TLCD3A: variants seen among roughly 807,000 people sequenced by gnomAD.
TLCD3A encodes TLC domain-containing protein 3A.
TLCD3A carries 17 observed loss-of-function variants against 29.9 expected under a neutral mutation model. That is an observed-to-expected ratio of 0.57 (90% CI 0.39 to 0.85). The LOEUF (loss-of-function observed/expected upper bound fraction) is 0.85, where lower values mean the gene tolerates loss of function less well. TLCD3A is among the 40% of genes least tolerant of loss of function. The pLI is 0.00. For synonymous variants in TLCD3A, 143 were observed against 147.7 expected, an observed-to-expected ratio of 0.97 and a Z score of 0.23; for missense variants, 332 against 350.8, an observed-to-expected ratio of 0.95 and a Z score of 0.43.
chr17:733,268 G>T, intron 2 of TLCD3A, 87 bp downstream of exon 2: 2 of 1,272,136 alleles, frequency 1.6e-6, no homozygotes, highest in Non-Finnish European at 2.1e-6. Context: ...CGCTCAGAAA[G>T]CTGACTAATG....
chr17:735,263 C>T (rs1399531951), intron 2 of TLCD3A, among the ~76,000 whole-genome samples: 6 of 151,182 alleles, frequency 4.0e-5, no homozygotes, highest in East Asian at 2.0e-4. Context: ...CCATCCGCCT[C>T]GGCCTCCCAA....
intron 3 of TLCD3A, 132 bp from the exon 4 acceptor site, chr17:740,373 A>C (rs1974229931): frequency 1.2e-5 from 9 of 721,432 alleles, no homozygotes; most frequent in East Asian, 7.9e-5. Context: ...GCAGCGGTAC[A>C]GTAGTCTGCG....
intron 1 of TLCD3A, 99 bp downstream of exon 1, chr17:732,868 G>T: frequency 1.5e-6 from 2 of 1,368,398 alleles, no homozygotes; most frequent in Non-Finnish European, 9.4e-7. Flanking sequence ...GCGGCAGGAA[G>T]CCCGGGGGCT....
In TLCD3A at chr17:737,925, T is replaced by A. The variant is rs1328213043; in HGVS notation, c.286T>A (p.Trp96Arg). The A allele has an allele frequency of 6.2e-7, 1 of 1,613,940 alleles. No individual in the cohort carries two copies. Among genetic ancestry groups the A allele is most frequent in the African/African-American group, 1.3e-5 (1 of 74,872 alleles). ...CTCGTACGCCATGTACCTCTGTGAA[T>A]GGTGCCGAACCAGAGACCAGAACCG... is the stretch of plus-strand genomic sequence containing the variant. ...YDSYAMYLCE[W>R]CRTRDQNRAP... The change falls in exon 3 of 5, where the codon TGG becomes AGG. Residue 96 changes from tryptophan (W) to arginine (R), a missense_variant. Trp to Arg is a moderately radical substitution (Grantham distance 101). Transcript: ENST00000308278.
rs1420604057 is a variant in TLCD3A, at chr17:733,149, C to T, written c.174C>T (p.Ile58=). Residue 58 remains isoleucine (I), a synonymous_variant, in exon 2 of 5, where the codon ATC becomes ATT. Coordinates refer to ENST00000308278, the MANE Select transcript of TLCD3A (RefSeq NM_024792.3). ...TGGCCACCGGCTCGGGGATCGTCAT[C>T]ATTCGCTCCTGCGACGACGTGATCA... is the stretch of plus-strand genomic sequence containing the variant. ...AVLATGSGIV[I]IRSCDDVITG... is the part of the protein sequence containing the mutation. 1 of 1,581,944 alleles carries T rather than the reference C, an allele frequency of 6.3e-7. No homozygotes were observed. Among genetic ancestry groups the T allele is most frequent in the South Asian group, 1.2e-5 (1 of 86,702 alleles).
intron 3 of TLCD3A, among the ~76,000 whole-genome samples, chr17:739,503 TTTTA>T (rs1169108755): frequency 6.7e-6 from 1 of 149,716 alleles, no homozygotes; most frequent in Non-Finnish European, 1.5e-5. Context: ...TGTAGTTTTA[TTTTA>T]TTTTTTAAAT....
intron 3 of TLCD3A, among the ~76,000 whole-genome samples, chr17:739,589 C>T (rs1244218456): frequency 1.3e-5 from 2 of 152,230 alleles, no homozygotes; most frequent in Non-Finnish European, 2.9e-5. Context: ...CCTCCCGTCT[C>T]AGCCTCCCAA....
At chr17:733,209 C>G in intron 2 of TLCD3A, 28 bp downstream of exon 2, 1 of 1,508,408 alleles carries the variant, frequency 6.6e-7, no homozygotes, top group Non-Finnish European at 8.9e-7. Flanking sequence ...GGCCTTGTTG[C>G]AAATGTCACA....
Position 732,807 on chromosome 17 carries a change from C to A in TLCD3A, c.122+38C>A, listed in dbSNP as rs1205261744. 7 of 1,421,774 alleles carry A rather than the reference C, an allele frequency of 4.9e-6. No homozygotes were observed. The South Asian group carries it at 8.5e-5, about 17-fold the overall frequency. The allele number at this position is 1,421,774 out of a possible 1,614,324, so 88.1% of individuals were successfully genotyped here. ...CCGAGACGCCCCCCGAGGCCCGGGG[C>A]GCTGCCCACCGCACCCCACCCGGCC... On this transcript the variant is annotated intron_variant, in intron 1 of 4. Coordinates refer to ENST00000308278, the MANE Select transcript of TLCD3A (RefSeq NM_024792.3).
In TLCD3A at chr17:742,794, C is replaced by T. The variant is rs1974279323; in HGVS notation, c.*1224C>T. The T allele has an allele frequency of 2.0e-5, 3 of 152,558 alleles. No individual in the cohort carries two copies. The allele number at this position is 152,558 out of a possible 1,614,324, so 9.5% of individuals were successfully genotyped here. A position where few individuals can be genotyped will look rare whatever the true frequency, so the allele number is the denominator to read the frequency against. Reference sequence around the variant, plus strand: ...TTTAAAAAGTGGATTTTTAAAGTGCCTTTCAATTGTCTGTGAACGTCTAAA... The same window carrying T: ...TTTAAAAAGTGGATTTTTAAAGTGCTTTTCAATTGTCTGTGAACGTCTAAA... On this transcript the variant is annotated 3_prime_UTR_variant, in exon 5 of 5. Transcript: ENST00000308278.
At chr17:738,147 GT>G (rs1485286582) in intron 3 of TLCD3A, 100 bp downstream of exon 3, 5 of 864,638 alleles carry the variant, frequency 5.8e-6, no homozygotes, top group Admixed American at 3.3e-5. Flanking sequence ...CCCAGCTGGA[GT>G]GCAGTGGTGT....
At chr17:735,458 TCA>T (rs1268517994) in intron 2 of TLCD3A, among the ~76,000 whole-genome samples, 1 of 152,226 alleles carries the variant, frequency 6.6e-6, no homozygotes, top group Non-Finnish European at 1.5e-5. Context: ...TAATAAATCT[TCA>T]GAGGATTCTA....
At chr17:732,830 G>A in intron 1 of TLCD3A, 61 bp downstream of exon 1, 1 of 1,384,560 alleles carries the variant, frequency 7.2e-7, no homozygotes, top group East Asian at 3.1e-5. Context: ...ACCCCACCCG[G>A]CCGCGGGGCC....
In TLCD3A at chr17:733,116, C is replaced by G. The variant is rs566117538; in HGVS notation, c.141C>G (p.His47Gln). 1 of 1,592,590 alleles carries G rather than the reference C, an allele frequency of 6.3e-7. No homozygotes were observed. Among genetic ancestry groups the G allele is most frequent in the Admixed American group, 1.7e-5 (1 of 58,006 alleles). ...MISTRLVSSV[H>Q]AVLATGSGIV... The stretch of plus-strand genomic sequence containing the variant: ...GCGCTAGGCTGGTTTCCTCGGTGCA[C>G]GCCGTGCTGGCCACCGGCTCGGGGA... Residue 47 changes from histidine (H) to glutamine (Q), a missense_variant, in exon 2 of 5, where the codon CAC becomes CAG. Physicochemically the swap from His to Gln is conservative, Grantham distance 24. Transcript: ENST00000308278.
intron 2 of TLCD3A, among the ~76,000 whole-genome samples, chr17:736,437 T>TA (rs1410167567): frequency 1.3e-5 from 2 of 152,202 alleles, no homozygotes; most frequent in African/African-American, 4.8e-5. Flanking sequence ...GTGGAATGCT[T>TA]ATCACTGGGA....
chr17:736,196 C>A (rs1974151877), intron 2 of TLCD3A, among the ~76,000 whole-genome samples: 1 of 152,062 alleles, frequency 6.6e-6, no homozygotes, highest in African/African-American at 2.4e-5. Context: ...AAATCAGAGA[C>A]AAAGTTAATA....
At chr17:734,609 CA>C (rs1482873671) in intron 2 of TLCD3A, among the ~76,000 whole-genome samples, 1 of 152,000 alleles carries the variant, frequency 6.6e-6, no homozygotes, top group Non-Finnish European at 1.5e-5. Flanking sequence ...CCACTGCACC[CA>C]GCCAAAAAAG....
In TLCD3A at chr17:732,706, C is replaced by T; in HGVS notation, c.59C>T (p.Thr20Ile). 1.4e-6 allele frequency: 2 copies of T among 1,438,676 alleles called. No individual in the cohort carries two copies. The highest frequency in any genetic ancestry group is 9.1e-7 in the Non-Finnish European group (1 of 1,096,684). The allele number at this position is 1,438,676 out of a possible 1,614,324, so 89.1% of individuals were successfully genotyped here. ...LFFPGLFALC[T>I]WALRRSQPGW... ...TTCCCGGGGCTCTTCGCGCTCTGCA[C>T]CTGGGCGCTGCGCCGCTCCCAGCCC... is the stretch of plus-strand genomic sequence containing the variant. The change falls in exon 1 of 5, where the codon ACC (threonine) becomes ATC (isoleucine). Residue 20 changes from threonine (T) to isoleucine (I), a missense_variant. By Grantham distance (89) the Thr-to-Ile change is moderately conservative (BLOSUM62 -1). Coordinates refer to ENST00000308278, the MANE Select transcript of TLCD3A (RefSeq NM_024792.3).
Position 737,965 on chromosome 17 carries a change from C to G in TLCD3A, c.326C>G (p.Thr109Ser), listed in dbSNP as rs867075520. Reference protein sequence around the residue: ...TRDQNRAPSLTLRNFLSRNRL... With the variant: ...TRDQNRAPSLSLRNFLSRNRL... ...GACCAGAACCGTGCGCCCTCCCTCA[C>G]TCTTCGAAACTTCCTAAGTCGAAAC... Residue 109 changes from threonine (T) to serine (S), a missense_variant, in exon 3 of 5, where the codon ACT becomes AGT. Coordinates refer to ENST00000308278, the MANE Select transcript of TLCD3A (RefSeq NM_024792.3). The G allele has an allele frequency of 6.8e-6, 11 of 1,614,150 alleles. No individual in the cohort carries two copies. Among genetic ancestry groups the G allele is most frequent in the Non-Finnish European group, 8.5e-6 (10 of 1,180,038 alleles).
Sources: allele counts gnomAD v4.1 joint callset (sites outside exome capture counted in the v4.1 genomes callset), GRCh38; gene constraint gnomAD v4.1.1; transcripts MANE v1.5; gene names NCBI Gene and HGNC (gene_info 2026-07-23, HGNC 2026-07-21).